The following CEACAM3 variants were observed in gnomAD, a reference collection of about 807,000 sequenced individuals.
CEACAM3 encodes the protein cell adhesion molecule CEACAM3.
In CEACAM3, 32 loss-of-function variants were observed where a neutral mutation model predicts 30.1. That is an observed-to-expected ratio of 1.06 (90% confidence interval 0.80 to 1.43). The LOEUF (loss-of-function observed/expected upper bound fraction) is 1.43. Among genes scored for constraint, CEACAM3 ranks in the 40% most tolerant of loss-of-function variants. The pLI is 0.00. For missense variants in CEACAM3, 290 were observed against 316.3 expected (o/e 0.92, Z 0.63); for synonymous variants, 134 against 127.2 (o/e 1.05, Z -0.36).
intron 2 of CEACAM3, chr19:41,807,573 T>C (rs1230731284): frequency 5.6e-6 from 7 of 1,260,394 alleles, no homozygotes; most frequent in Non-Finnish European, 7.1e-6. Flanking sequence ...AGGCTGCTCC[T>C]GTCCTGGGAG....
chr19:41,808,852 G>T lies in CEACAM3; in HGVS notation c.464G>T (p.Gly155Val), dbSNP rs782621587. ...GGCCTTCCTGTGGGGGCCGTCGCCGGCATCGTGACCGGGGTCCTGGTCGGA... is the reference window on the plus strand; with the variant it reads ...GGCCTTCCTGTGGGGGCCGTCGCCGTCATCGTGACCGGGGTCCTGGTCGGA... ...APGLPVGAVA[G>V]IVTGVLVGVA... The change falls in exon 3 of 7, where the codon GGC becomes GTC. Residue 155 changes from glycine (G) to valine (V), a missense_variant. Gly to Val is a moderately radical substitution (Grantham distance 109). Transcript: ENST00000357396. 1 of 1,611,460 alleles carries T rather than the reference G, an allele frequency of 6.2e-7. No homozygotes were observed. The highest frequency in any genetic ancestry group is 2.2e-5 in the East Asian group (1 of 44,600).
chr19:41,807,344 C>T (rs1555826933), intron 2 of CEACAM3: 1 of 1,606,544 alleles, frequency 6.2e-7, no homozygotes, highest in African/African-American at 1.3e-5. Flanking sequence ...AATACCGAAC[C>T]CAGTGGGTGC....
rs782009328 is a variant in CEACAM3, at chr19:41,807,099, T to A, written c.425-1714T>A. ...GCCACACAGGGCAATCTTCTCTCTG[T>A]TTTCTGCACAGCGGAGCTGCCCAAG... is the stretch of plus-strand genomic sequence containing the variant. On this transcript the variant is annotated intron_variant, in intron 2 of 6. Coordinates refer to ENST00000357396, the MANE Select transcript of CEACAM3 (RefSeq NM_001815.5). The A allele has an allele frequency of 8.1e-6, 13 of 1,609,496 alleles. No individual in the cohort carries two copies. In the African/African-American group the frequency reaches 1.2e-4, roughly 15 times the overall value.
Position 41,797,767 on chromosome 19 carries a change from A to G in CEACAM3, c.243A>G (p.Gly81=). ...ERVDGNSLIV[G]YVIGTQQATP... ...TGGATGGCAACAGTCTAATTGTAGG[A>G]TATGTAATAGGAACTCAACAAGCTA... Residue 81 remains glycine, a synonymous_variant, in exon 2 of 7, where the codon GGA becomes GGG. Coordinates refer to ENST00000357396, the MANE Select transcript of CEACAM3 (RefSeq NM_001815.5). 1 of 1,612,396 alleles carries G rather than the reference A, an allele frequency of 6.2e-7. No homozygotes were observed. The highest frequency in any genetic ancestry group is 8.5e-7 in the Non-Finnish European group (1 of 1,179,948).
chr19:41,808,651 A>G (rs1245383836), intron 2 of CEACAM3, among the ~76,000 whole-genome samples, 162 bp from the exon 3 acceptor site: 4 of 152,246 alleles, frequency 2.6e-5, no homozygotes, highest in African/African-American at 9.6e-5. Context: ...TGGTGCCACC[A>G]TGGAAAGCAA....
At chr19:41,798,122 C>T in intron 2 of CEACAM3, 174 bp downstream of exon 2, 2 of 1,160,322 alleles carry the variant, frequency 1.7e-6, no homozygotes, top group Non-Finnish European at 2.4e-6. Flanking sequence ...ATCAGAATTC[C>T]TTTCCTGCAT....
chr19:41,796,821 T>C, intron 1 of CEACAM3, 80 bp downstream of exon 1: 2 of 1,464,222 alleles, frequency 1.4e-6, no homozygotes, highest in Middle Eastern at 1.8e-4. Flanking sequence ...GATGGGGCTC[T>C]GATAGGGGAC....
intron 2 of CEACAM3, among the ~76,000 whole-genome samples, chr19:41,804,652 G>C (rs2073184359): frequency 6.6e-6 from 1 of 152,142 alleles, no homozygotes; most frequent in Non-Finnish European, 1.5e-5. Context: ...GAGAGTCACT[G>C]ATTTCAAACC....
chr19:41,807,681 C>T lies in CEACAM3; in HGVS notation c.425-1132C>T, dbSNP rs1249077616. The T allele has an allele frequency of 1.1e-5, 12 of 1,128,908 alleles. No homozygotes were observed. In the African/African-American group the frequency reaches 1.8e-4, roughly 17 times the overall value. 69.9% of individuals were successfully genotyped at this position (1,128,908 alleles called of 1,614,324 possible). On this transcript the variant is annotated intron_variant, in intron 2 of 6. Transcript: ENST00000357396. ...TTTCGTTAGGACTTCAAGGTTGTGA[C>T]TTGGCTCACAGGGACACTGTGGCTC...
At chr19:41,806,948 A>T (rs1278905023) in intron 2 of CEACAM3, among the ~76,000 whole-genome samples, 1 of 152,110 alleles carries the variant, frequency 6.6e-6, no homozygotes, top group Non-Finnish European at 1.5e-5. Context: ...CGGCCTCCCA[A>T]AGTGCTGGGA....
intron 2 of CEACAM3, chr19:41,807,161 G>T (rs782648058): frequency 1.1e-5 from 18 of 1,610,042 alleles, no homozygotes; most frequent in Non-Finnish European, 1.5e-5. Flanking sequence ...CCCCAAGGAG[G>T]ACAAGGATGC....
At chr19:41,811,014 G>C (rs1250786847) in intron 6 of CEACAM3, 117 bp downstream of exon 6, 3 of 1,277,666 alleles carry the variant, frequency 2.3e-6, no homozygotes, top group African/African-American at 3.0e-5. Flanking sequence ...TAAGAACGGG[G>C]GTGGCGAGCA....
chr19:41,803,802 G>A lies in CEACAM3; in HGVS notation c.425-5011G>A, dbSNP rs573458281. Among the ~76,000 whole-genome samples, 15 of 127,146 alleles carry A rather than the reference G, an allele frequency of 1.2e-4. No homozygotes were observed. In the East Asian group the frequency reaches 2.0e-3, roughly 17 times the overall value. The allele number at this position is 127,146 out of a possible 152,430, so 83.4% of individuals were successfully genotyped here. Reference sequence around the variant, plus strand: ...AGCTTTAAAAGAGTGGGAAAAGGCCGGGCGTGGTTGTTCATGCTTGTAATC... The same window carrying A: ...AGCTTTAAAAGAGTGGGAAAAGGCCAGGCGTGGTTGTTCATGCTTGTAATC... On this transcript the variant is annotated intron_variant, in intron 2 of 6. Transcript: ENST00000357396.
chr19:41,796,778 G>T (rs375545632), intron 1 of CEACAM3, 37 bp downstream of exon 1: 2 of 1,592,210 alleles, frequency 1.3e-6, no homozygotes, highest in Non-Finnish European at 1.7e-6. Context: ...CAAGAGGAGG[G>T]ATCACAGAGA....
intron 3 of CEACAM3, 51 bp downstream of exon 3, chr19:41,808,981 C>A: frequency 1.5e-6 from 2 of 1,342,878 alleles, no homozygotes; most frequent in Non-Finnish European, 2.0e-6. Context: ...TGACTCCAGG[C>A]CAAAAGAAAG....
intron 2 of CEACAM3, among the ~76,000 whole-genome samples, chr19:41,798,977 G>C (rs1265101927): frequency 1.3e-5 from 2 of 152,204 alleles, no homozygotes; most frequent in African/African-American, 4.8e-5. Context: ...TCCACCAGGG[G>C]ACGGCTGGCG....
chr19:41,800,412 G>C (rs554579316), intron 2 of CEACAM3, among the ~76,000 whole-genome samples: 3 of 152,134 alleles, frequency 2.0e-5, no homozygotes, highest in African/African-American at 7.2e-5. Context: ...GACCGGGAAA[G>C]GGAGTCTCCC....
At position 41,811,296 on chromosome 19, in the gene CEACAM3, G is replaced by A; in HGVS notation, c.*59G>A. The A allele has an allele frequency of 6.9e-7, 1 of 1,452,936 alleles. No individual in the cohort carries two copies. The highest frequency in any genetic ancestry group is 1.1e-5 in the South Asian group (1 of 87,848). 90.0% of individuals were successfully genotyped at this position (1,452,936 alleles called of 1,614,324 possible). Reference sequence around the variant, plus strand: ...AGAGTCCCCAAGGCCCCCAGCCCTGGGGATGGGGAAGGACATGAAGCCTGA... The same window carrying A: ...AGAGTCCCCAAGGCCCCCAGCCCTGAGGATGGGGAAGGACATGAAGCCTGA... On this transcript the variant is annotated 3_prime_UTR_variant, in exon 7 of 7. Transcript: ENST00000357396.
At chr19:41,798,553 A>G (rs891085133) in intron 2 of CEACAM3, among the ~76,000 whole-genome samples, 1 of 152,146 alleles carries the variant, frequency 6.6e-6, no homozygotes, top group Non-Finnish European at 1.5e-5. Flanking sequence ...TTTACCTGAG[A>G]CTCAGCATGG....
Sources: gnomAD v4.1 joint callset for allele counts (sites outside exome capture counted in the v4.1 genomes callset) on GRCh38, gnomAD v4.1.1 for gene constraint, MANE v1.5 for transcripts, NCBI Gene and HGNC (gene_info 2026-07-23, HGNC 2026-07-21) for gene names.